CCDC39: variants seen among roughly 807,000 people sequenced by gnomAD.
CCDC39 encodes the protein coiled-coil domain 39 molecular ruler complex subunit.
Under a neutral mutation model 121.0 loss-of-function variants are expected in CCDC39, and 113 were observed. The observed-to-expected ratio is 0.93, with a 90% CI of 0.80 to 1.09. The LOEUF (loss-of-function observed/expected upper bound fraction) is 1.09, where lower values mean the gene tolerates loss of function less well. CCDC39 is among the 50% of genes least tolerant of loss of function. The pLI is 0.00. For synonymous variants in CCDC39, 349 were observed against 352.2 expected (o/e 0.99, Z 0.10); for missense variants, 1,063 against 1,074.7 (o/e 0.99, Z 0.15).
intron 2 of CCDC39, among the ~76,000 whole-genome samples, chr3:180,663,470 C>T (rs1236180855): frequency 2.6e-5 from 4 of 151,816 alleles, no homozygotes; most frequent in Admixed American, 1.3e-4. Context: ...GTCAGGAGTT[C>T]GAGACCAGCC....
intron 1 of CCDC39, among the ~76,000 whole-genome samples, chr3:180,676,924 C>T (rs575344575): frequency 1.2e-4 from 18 of 151,378 alleles, no homozygotes; most frequent in African/African-American, 4.1e-4. Flanking sequence ...CATGTTCTCA[C>T]TCATAGGTGG....
intron 13 of CCDC39, among the ~76,000 whole-genome samples, chr3:180,639,786 T>C (rs1717912984): frequency 5.3e-5 from 8 of 152,026 alleles, no homozygotes; most frequent in Admixed American, 5.2e-4. Flanking sequence ...TGAAATAAAA[T>C]TTTAGAAAAA....
At chr3:180,655,406 C>T (rs900802526) in intron 6 of CCDC39, among the ~76,000 whole-genome samples, 8 of 150,484 alleles carry the variant, frequency 5.3e-5, no homozygotes, top group African/African-American at 2.0e-4. Flanking sequence ...GTCGTAGAGA[C>T]AATAATAAAT....
chr3:180,623,819 ATTT>A (rs796802475), intron 14 of CCDC39, among the ~76,000 whole-genome samples: 1 of 147,538 alleles, frequency 6.8e-6, no homozygotes, highest in Non-Finnish European at 1.5e-5. Flanking sequence ...GTCTGAGAAG[ATTT>A]TTTTTTTTAT....
chr3:180,667,392 G>A (rs1260520314), intron 1 of CCDC39, among the ~76,000 whole-genome samples: 1 of 152,130 alleles, frequency 6.6e-6, no homozygotes, highest in Non-Finnish European at 1.5e-5. Flanking sequence ...GCAACCCTGT[G>A]TCTAGCAAGT....
chr3:180,623,596 T>C (rs1717484861), intron 14 of CCDC39, among the ~76,000 whole-genome samples: 4 of 152,106 alleles, frequency 2.6e-5, no homozygotes, highest in African/African-American at 9.7e-5. Context: ...TTTAATGCTA[T>C]AAACATCCCC....
At chr3:180,666,305 T>C (rs1029404811) in intron 1 of CCDC39, among the ~76,000 whole-genome samples, 1 of 152,234 alleles carries the variant, frequency 6.6e-6, no homozygotes, top group African/African-American at 2.4e-5. Flanking sequence ...GATTTTGTTT[T>C]GGTATAGTAC....
At chr3:180,637,317 A>C (rs1184313390) in intron 13 of CCDC39, among the ~76,000 whole-genome samples, 1 of 152,212 alleles carries the variant, frequency 6.6e-6, no homozygotes, top group Non-Finnish European at 1.5e-5. Flanking sequence ...AAAGCATATG[A>C]AAAAAAGCTC....
intron 1 of CCDC39, among the ~76,000 whole-genome samples, chr3:180,668,407 G>A (rs1297609097): frequency 6.6e-6 from 1 of 151,902 alleles, no homozygotes; most frequent in East Asian, 1.9e-4. Context: ...AAAAAACCAA[G>A]GACTCTTCCA....
chr3:180,644,040 T>A, intron 12 of CCDC39, 80 bp downstream of exon 12: 1 of 1,019,604 alleles, frequency 9.8e-7, no homozygotes, highest in Non-Finnish European at 1.4e-6. Context: ...TTTTCATAAT[T>A]TGCTATATTT....
rs1391050340 is a variant in CCDC39, at chr3:180,631,736, T to TA, written c.1875-145dup. The stretch of plus-strand genomic sequence containing the variant: ...AATTTGTTCTCACGTTTTAATTTAA[T>TA]AAAAAGACTATCAGGTGTTCTTATT... On this transcript the variant is annotated intron_variant, in intron 13 of 19. Coordinates refer to ENST00000476379, the MANE Select transcript of CCDC39 (RefSeq NM_181426.2). 37 of 679,266 alleles carry TA rather than the reference T, an allele frequency of 5.4e-5. No homozygotes were observed. The African/African-American group carries it at 6.2e-4, about 11-fold the overall frequency. 42.1% of individuals were successfully genotyped at this position (679,266 alleles called of 1,614,324 possible).
At position 180,614,774 on chromosome 3, in the gene CCDC39, C is replaced by A. The variant is rs773632317; in HGVS notation, c.*147G>T. ...AAGAAAACAGTAGAGAAAATGAGAA[C>A]GTTCCTTTTTTTTTAAAACTATCAG... On this transcript the variant is annotated 3_prime_UTR_variant, in exon 20 of 20. Coordinates refer to ENST00000476379, the MANE Select transcript of CCDC39 (RefSeq NM_181426.2). The A allele has an allele frequency of 1.6e-6, 1 of 630,202 alleles. No homozygotes were observed. Among genetic ancestry groups the A allele is most frequent in the Non-Finnish European group, 2.6e-6 (1 of 390,680 alleles). The allele number at this position is 630,202 out of a possible 1,614,324, so 39.0% of individuals were successfully genotyped here.
intron 10 of CCDC39, 96 bp downstream of exon 10, chr3:180,648,069 G>A (rs977488718): frequency 6.1e-6 from 6 of 976,234 alleles, no homozygotes; most frequent in Middle Eastern, 3.2e-4. Flanking sequence ...TCCACAAAAG[G>A]GCTTATAATT....
chr3:180,640,382 T>G (rs899621689), intron 13 of CCDC39, among the ~76,000 whole-genome samples: 1 of 151,792 alleles, frequency 6.6e-6, no homozygotes, highest in Non-Finnish European at 1.5e-5. Context: ...GAGCTAAGCA[T>G]CTGAAGAATT....
intron 17 of CCDC39, 24 bp from the exon 18 acceptor site, chr3:180,616,719 A>G: frequency 6.3e-7 from 1 of 1,579,024 alleles, no homozygotes. Flanking sequence ...ATAGTCAATT[A>G]TTCTATAAAC....
chr3:180,644,685 T>A (rs1431724941), intron 11 of CCDC39, among the ~76,000 whole-genome samples: 3 of 152,222 alleles, frequency 2.0e-5, no homozygotes, highest in Non-Finnish European at 4.4e-5. Flanking sequence ...TAATTATCTT[T>A]ACATTACTTA....
At chr3:180,634,839 A>G (rs1717788252) in intron 13 of CCDC39, among the ~76,000 whole-genome samples, 1 of 152,222 alleles carries the variant, frequency 6.6e-6, no homozygotes, top group Non-Finnish European at 1.5e-5. Flanking sequence ...GTGAAACCAA[A>G]GATAAGAAGT....
intron 11 of CCDC39, among the ~76,000 whole-genome samples, chr3:180,646,710 C>T (rs886389160): frequency 6.6e-6 from 1 of 152,032 alleles, no homozygotes; most frequent in Non-Finnish European, 1.5e-5. Context: ...AAACAGTGTA[C>T]TCTTGAAGAG....
chr3:180,622,241 A>G (rs1021671142), intron 14 of CCDC39, among the ~76,000 whole-genome samples: 1 of 152,080 alleles, frequency 6.6e-6, no homozygotes, highest in African/African-American at 2.4e-5. Flanking sequence ...TAGAAATGCT[A>G]TGGATTTTTG....
Sources: allele counts gnomAD v4.1 joint callset (sites outside exome capture counted in the v4.1 genomes callset), GRCh38; gene constraint gnomAD v4.1.1; transcripts MANE v1.5; gene names NCBI Gene and HGNC (gene_info 2026-07-23, HGNC 2026-07-21).